CHL1: variants seen among roughly 807,000 people sequenced by gnomAD.
CHL1 encodes neural cell adhesion molecule L1-like protein.
A neutral mutation model predicts 141.9 loss-of-function variants in CHL1; 96 were observed. The observed-to-expected ratio is 0.68, with a 90% CI of 0.57 to 0.80. The LOEUF (loss-of-function observed/expected upper bound fraction) is 0.80, where lower values mean the gene tolerates loss of function less well. Among genes scored for constraint, CHL1 ranks in the 30% least tolerant of loss-of-function variants. CHL1 has a pLI of 0.00. For missense variants in CHL1, 1,820 were observed against 1,457.2 expected, an observed-to-expected ratio of 1.25 and a Z score of -4.05; for synonymous variants, 613 against 502.2, an observed-to-expected ratio of 1.22 and a Z score of -2.95.
At chr3:198,305 G>A (rs1698578117) in intron 1 of CHL1, among the ~76,000 whole-genome samples, 1 of 151,982 alleles carries the variant, frequency 6.6e-6, no homozygotes, top group Non-Finnish European at 1.5e-5. Flanking sequence ...CCGCGGAGCA[G>A]CCCCAGGGCC....
At chr3:381,339 C>T (rs1343206435) in intron 16 of CHL1, among the ~76,000 whole-genome samples, 1 of 152,106 alleles carries the variant, frequency 6.6e-6, no homozygotes, top group Non-Finnish European at 1.5e-5. Flanking sequence ...GGTCCACCAA[C>T]CCAGTGCAGT....
chr3:211,186 C>T (rs910396996), intron 1 of CHL1, among the ~76,000 whole-genome samples: 1 of 152,258 alleles, frequency 6.6e-6, no homozygotes, highest in Admixed American at 6.5e-5. Flanking sequence ...GAAAAGAGCT[C>T]CTGCATTTCC....
intron 11 of CHL1, among the ~76,000 whole-genome samples, chr3:355,779 A>AT (rs1703660508): frequency 6.6e-6 from 1 of 152,100 alleles, no homozygotes; most frequent in Non-Finnish European, 1.5e-5. Flanking sequence ...ATGAAAAAAA[A>AT]TGTGGCCAGC....
intron 10 of CHL1, among the ~76,000 whole-genome samples, chr3:351,788 A>G (rs930445113): frequency 3.3e-5 from 5 of 152,174 alleles, no homozygotes; most frequent in Admixed American, 2.6e-4. Context: ...GCAACATCCT[A>G]AATATAAAAT....
intron 2 of CHL1, among the ~76,000 whole-genome samples, chr3:274,099 C>T (rs1002716405): frequency 8.5e-5 from 13 of 152,168 alleles, no homozygotes; most frequent in African/African-American, 3.1e-4. Flanking sequence ...GTTCTCCATG[C>T]CAGTCTGAAA....
intron 23 of CHL1, among the ~76,000 whole-genome samples, chr3:393,418 T>A (rs1053757147): frequency 2.6e-5 from 4 of 152,054 alleles, no homozygotes; most frequent in Non-Finnish European, 5.9e-5. Flanking sequence ...ATCCTAACAA[T>A]AGGAAACTCA....
intron 1 of CHL1, among the ~76,000 whole-genome samples, chr3:208,379 C>T (rs1210187389): frequency 6.8e-6 from 1 of 148,084 alleles, no homozygotes; most frequent in African/African-American, 2.7e-5. Context: ...ACTTCCTTTG[C>T]CCCTCCAAAT....
chr3:199,944 G>A (rs1437776750), intron 1 of CHL1, among the ~76,000 whole-genome samples: 1 of 152,170 alleles, frequency 6.6e-6, no homozygotes, highest in African/African-American at 2.4e-5. Flanking sequence ...CAGATTTGAA[G>A]GAATGATTGT....
At chr3:317,886 T>C (rs1446195498) in intron 2 of CHL1, among the ~76,000 whole-genome samples, 1 of 151,866 alleles carries the variant, frequency 6.6e-6, no homozygotes, top group South Asian at 2.1e-4. Context: ...GTAGTGTCAA[T>C]TAACATAGTG....
intron 12 of CHL1, 48 bp from the exon 13 acceptor site, chr3:361,651 C>G (rs1298687934): frequency 9.2e-6 from 12 of 1,311,144 alleles, no homozygotes; most frequent in African/African-American, 1.5e-5. Flanking sequence ...ATTTGCATAT[C>G]TTTCTTCCAC....
rs1368911821 is a variant in CHL1, at chr3:314,368, T to TATATA, written c.-94-5313_-94-5312insATAAT. On this transcript the variant is annotated intron_variant, in intron 2 of 27. Transcript: ENST00000256509. The stretch of plus-strand genomic sequence containing the variant: ...ATATATATATATATATATATATATA[T>TATATA]ATCTGCTTCAGCAATATTCATTATT... 7.7e-4 allele frequency among the ~76,000 whole-genome samples: 103 copies of TATATA among 134,042 alleles called. 1 individual carries two copies. Among genetic ancestry groups the TATATA allele is most frequent in the African/African-American group, 2.6e-3 (95 of 36,102 alleles). 87.9% of individuals were successfully genotyped at this position (134,042 alleles called of 152,430 possible).
chr3:393,155 C>T (rs1343336878), intron 23 of CHL1, among the ~76,000 whole-genome samples: 1 of 146,404 alleles, frequency 6.8e-6, no homozygotes, highest in South Asian at 2.2e-4. Flanking sequence ...ATGGCGTGAA[C>T]CCGGGAGGCA....
chr3:258,543 C>A (rs543836733), intron 2 of CHL1, among the ~76,000 whole-genome samples: 43 of 152,330 alleles, frequency 2.8e-4, no homozygotes, highest in Non-Finnish European at 5.6e-4. Context: ...ATTACTTTCA[C>A]ATGTTTGAAG....
intron 2 of CHL1, among the ~76,000 whole-genome samples, chr3:251,204 G>C (rs1014235286): frequency 6.6e-5 from 10 of 152,074 alleles, no homozygotes; most frequent in Non-Finnish European, 2.9e-5. Flanking sequence ...AACTTTATTA[G>C]AATGCTTTCA....
At chr3:382,079 T>C (rs1292450047) in intron 16 of CHL1, 100 bp from the exon 17 acceptor site, 1 of 915,838 alleles carries the variant, frequency 1.1e-6, no homozygotes, top group Non-Finnish European at 1.7e-6. Flanking sequence ...CCTAAGAGGG[T>C]GGTACCTCCT....
chr3:339,043 C>T (rs375962133), intron 5 of CHL1, among the ~76,000 whole-genome samples: 5 of 152,198 alleles, frequency 3.3e-5, no homozygotes, highest in African/African-American at 9.6e-5. Flanking sequence ...AAGTGGATTA[C>T]ATGCCCTTTC....
intron 2 of CHL1, chr3:247,827 C>A (rs1693309307): frequency 6.6e-6 from 1 of 152,048 alleles, no homozygotes; most frequent in South Asian, 2.1e-4. Context: ...ATGAAAGATT[C>A]CACTGGATGC....
intron 19 of CHL1, among the ~76,000 whole-genome samples, chr3:386,553 G>C (rs1307775945): frequency 1.3e-5 from 2 of 152,104 alleles, no homozygotes; most frequent in Non-Finnish European, 2.9e-5. Context: ...TTTTGCTTGA[G>C]AGTTTCCATT....
At chr3:257,661 A>G (rs1048372228) in intron 2 of CHL1, among the ~76,000 whole-genome samples, 2 of 152,072 alleles carry the variant, frequency 1.3e-5, no homozygotes, top group Admixed American at 6.6e-5. Flanking sequence ...TCTCTTTTTC[A>G]TAAAGAGACA....
Sources: gnomAD v4.1 joint callset for allele counts (sites outside exome capture counted in the v4.1 genomes callset) on GRCh38, gnomAD v4.1.1 for gene constraint, MANE v1.5 for transcripts, NCBI Gene and HGNC (gene_info 2026-07-23, HGNC 2026-07-21) for gene names.